Variants in AGBL1 observed in about 807,000 individuals in gnomAD.
AGBL1 encodes AGBL carboxypeptidase 1.
In AGBL1, 130 loss-of-function variants were observed where a neutral mutation model predicts 118.9. The ratio of observed to expected loss-of-function variants is 1.09; its 90% CI spans 0.95 to 1.26. AGBL1 has a LOEUF of 1.26. Ranked by LOEUF, AGBL1 falls within the 50% of genes most tolerant of loss-of-function variation. AGBL1 has a pLI of 0.00. For missense variants in AGBL1, 1,584 were observed against 1,298.1 expected, an observed-to-expected ratio of 1.22 and a Z score of -3.38; for synonymous variants, 555 against 478.9, an observed-to-expected ratio of 1.16 and a Z score of -2.08.
intron 17 of AGBL1, among the ~76,000 whole-genome samples, chr15:86,366,424 T>A (rs1286759200): frequency 1.3e-5 from 2 of 152,188 alleles, no homozygotes; most frequent in Non-Finnish European, 2.9e-5. Context: ...CTATTTTTAA[T>A]CCTCATTTTA....
At chr15:86,251,354 T>A (rs960166939) in intron 7 of AGBL1, among the ~76,000 whole-genome samples, 1 of 152,162 alleles carries the variant, frequency 6.6e-6, no homozygotes, top group African/African-American at 2.4e-5. Flanking sequence ...CAGAGCCTGT[T>A]GGACATCAAT....
chr15:86,227,065 T>A (rs966600276), intron 6 of AGBL1, among the ~76,000 whole-genome samples: 1 of 152,270 alleles, frequency 6.6e-6, no homozygotes, highest in South Asian at 2.1e-4. Flanking sequence ...TACCAAATTT[T>A]TAAATGAATA....
intron 23 of AGBL1, among the ~76,000 whole-genome samples, chr15:86,984,361 C>T (rs1596707018): frequency 7.0e-6 from 1 of 143,438 alleles, no homozygotes; most frequent in Non-Finnish European, 1.5e-5. Context: ...ATTTTTTTCT[C>T]TCTTTTTTTT....
intron 18 of AGBL1, among the ~76,000 whole-genome samples, chr15:86,486,847 C>G (rs2082718784): frequency 6.6e-6 from 1 of 151,972 alleles, no homozygotes; most frequent in Admixed American, 6.6e-5. Context: ...CCTGCCTATG[C>G]ACTTTTATTC....
intron 4 of AGBL1, among the ~76,000 whole-genome samples, chr15:86,158,588 C>T (rs555151260): frequency 1.9e-4 from 29 of 152,302 alleles, no homozygotes; most frequent in African/African-American, 6.7e-4. Context: ...ATTTACCTAA[C>T]CAGATACCTC....
At chr15:86,659,437 T>C (rs1344550033) in intron 21 of AGBL1, among the ~76,000 whole-genome samples, 1 of 152,194 alleles carries the variant, frequency 6.6e-6, no homozygotes, top group Non-Finnish European at 1.5e-5. Flanking sequence ...AATCTAGACC[T>C]GCAGGTAGAT....
intron 17 of AGBL1, among the ~76,000 whole-genome samples, chr15:86,381,126 A>G (rs2081108773): frequency 6.6e-6 from 1 of 152,234 alleles, no homozygotes; most frequent in South Asian, 2.1e-4. Context: ...CCCACATTAA[A>G]TATCCTTTTT....
At chr15:86,894,256 A>G (rs555797877) in intron 22 of AGBL1, among the ~76,000 whole-genome samples, 5 of 152,334 alleles carry the variant, frequency 3.3e-5, no homozygotes, top group Non-Finnish European at 5.9e-5. Context: ...TTTCATTTAT[A>G]TTTAACTTCA....
At chr15:86,688,205 C>CT (rs2086097824) in intron 22 of AGBL1, among the ~76,000 whole-genome samples, 1 of 151,988 alleles carries the variant, frequency 6.6e-6, no homozygotes, top group Non-Finnish European at 1.5e-5. Flanking sequence ...GAGGTCCTCT[C>CT]TGACCCTTGG....
At chr15:86,660,497 C>G (rs1239342740) in intron 21 of AGBL1, among the ~76,000 whole-genome samples, 1 of 152,060 alleles carries the variant, frequency 6.6e-6, no homozygotes, top group Non-Finnish European at 1.5e-5. Flanking sequence ...AAAAACAGAG[C>G]AAAGTTTTAG....
chr15:86,725,132 TTGAATAAA>T (rs1412901299), intron 22 of AGBL1, among the ~76,000 whole-genome samples: 1 of 152,174 alleles, frequency 6.6e-6, no homozygotes, highest in African/African-American at 2.4e-5. Flanking sequence ...TAAATGTGGG[TTGAATAAA>T]TGAATAAATA....
At position 86,824,088 on chromosome 15, in the gene AGBL1, A is replaced by G. The variant is rs1221622360; in HGVS notation, c.3159-82999A>G. Among the ~76,000 whole-genome samples the G allele has an allele frequency of 2.0e-5, 3 of 152,066 alleles. No homozygotes were observed. In the East Asian group the frequency reaches 5.8e-4, roughly 29 times the overall value. On this transcript the variant is annotated intron_variant, in intron 22 of 22. Coordinates refer to ENST00000614907, the MANE Select transcript of AGBL1 (RefSeq NM_001386094.1). ...GGAAGCTCTAGCAAGAACAAGAAAA[A>G]AACAAATAAAAGAAATAAAAGGCAC... is the stretch of plus-strand genomic sequence containing the variant.
chr15:86,521,304 G>A lies in AGBL1; in HGVS notation c.2556-1506G>A, dbSNP rs944963179. On this transcript the variant is annotated intron_variant, in intron 18 of 22. Coordinates refer to ENST00000614907, the MANE Select transcript of AGBL1 (RefSeq NM_001386094.1). The stretch of plus-strand genomic sequence containing the variant: ...ACTGTGTTTCAAACAAAACAAAACA[G>A]AAATCATATCTGATTCTGCATATGA... Among the ~76,000 whole-genome samples the A allele has an allele frequency of 2.6e-5, 4 of 152,194 alleles. No homozygotes were observed. In the South Asian group the frequency reaches 6.2e-4, roughly 24 times the overall value.
intron 22 of AGBL1, among the ~76,000 whole-genome samples, chr15:86,726,918 G>A (rs1247630511): frequency 2.6e-5 from 4 of 152,156 alleles, no homozygotes; most frequent in Non-Finnish European, 5.9e-5. Context: ...TTTCTGACAA[G>A]GCTACAATGA....
intron 1 of AGBL1, among the ~76,000 whole-genome samples, chr15:86,127,561 G>A (rs540701382): frequency 5.3e-5 from 8 of 152,120 alleles, no homozygotes; most frequent in African/African-American, 9.6e-5. Flanking sequence ...CCGAGGGCAC[G>A]TGGGAAATCA....
chr15:86,346,022 GC>G (rs2080531337), intron 17 of AGBL1, among the ~76,000 whole-genome samples: 1 of 149,388 alleles, frequency 6.7e-6, no homozygotes, highest in Non-Finnish European at 1.5e-5. Context: ...CACTCTTGTT[GC>G]CCAGGCTGGA....
intron 24 of AGBL1, among the ~76,000 whole-genome samples, chr15:87,005,111 C>T (rs1302722924): frequency 6.6e-6 from 1 of 152,186 alleles, no homozygotes; most frequent in Non-Finnish European, 1.5e-5. Context: ...TTCTCTCTGG[C>T]TGCCCTTAAC....
At chr15:86,113,428 C>T (rs1897559510) in intron 1 of AGBL1, among the ~76,000 whole-genome samples, 1 of 151,586 alleles carries the variant, frequency 6.6e-6, no homozygotes, top group South Asian at 2.1e-4. Flanking sequence ...GCTAGGATTA[C>T]AGGTGCCCAC....
chr15:86,348,364 A>G (rs1411451094), intron 17 of AGBL1, among the ~76,000 whole-genome samples: 2 of 152,238 alleles, frequency 1.3e-5, no homozygotes, highest in Non-Finnish European at 2.9e-5. Context: ...TATGCAGCTC[A>G]CAAAAATATC....
Sources: gnomAD v4.1 joint callset for allele counts (sites outside exome capture counted in the v4.1 genomes callset) on GRCh38, gnomAD v4.1.1 for gene constraint, MANE v1.5 for transcripts, NCBI Gene and HGNC (gene_info 2026-07-23, HGNC 2026-07-21) for gene names.